Variants in RGS7BP observed in about 807,000 individuals in gnomAD.
RGS7BP encodes regulator of G protein signaling 7-binding protein.
A neutral mutation model predicts 31.3 loss-of-function variants in RGS7BP; 9 were observed. The ratio of observed to expected loss-of-function variants is 0.29; its 90% confidence interval spans 0.17 to 0.50. The LOEUF (loss-of-function observed/expected upper bound fraction) is 0.50, where lower values mean the gene tolerates loss of function less well. Among genes scored for constraint, RGS7BP ranks in the 20% least tolerant of loss-of-function variants. The pLI is 0.98. For missense variants in RGS7BP, 274 were observed against 322.0 expected (o/e 0.85, Z 1.14); for synonymous variants, 115 against 120.1 (o/e 0.96, Z 0.28).
intron 2 of RGS7BP, among the ~76,000 whole-genome samples, chr5:64,551,353 C>G (rs1198649891): frequency 1.3e-5 from 2 of 151,002 alleles, no homozygotes; most frequent in Non-Finnish European, 2.9e-5. Context: ...ACCTCTGCCT[C>G]CCCAATTCAA....
At chr5:64,536,346 G>C (rs1741358675) in intron 2 of RGS7BP, among the ~76,000 whole-genome samples, 1 of 152,166 alleles carries the variant, frequency 6.6e-6, no homozygotes, top group Non-Finnish European at 1.5e-5. Context: ...GAAATCCAAT[G>C]AGCATCAGAT....
chr5:64,590,248 G>C (rs1742876686), intron 3 of RGS7BP, among the ~76,000 whole-genome samples: 1 of 151,996 alleles, frequency 6.6e-6, no homozygotes, highest in South Asian at 2.1e-4. Context: ...GAGAGAGAGA[G>C]AGAGAAGAAA....
chr5:64,593,262 T>C (rs1742968928), intron 3 of RGS7BP, among the ~76,000 whole-genome samples: 1 of 152,216 alleles, frequency 6.6e-6, no homozygotes, highest in South Asian at 2.1e-4. Context: ...TCTCCTTCTG[T>C]TGTTACCACA....
intron 2 of RGS7BP, among the ~76,000 whole-genome samples, chr5:64,517,811 A>T (rs1749013497): frequency 6.6e-6 from 1 of 152,230 alleles, no homozygotes; most frequent in Non-Finnish European, 1.5e-5. Context: ...AATTTTCACA[A>T]GACAGGATGT....
intron 2 of RGS7BP, among the ~76,000 whole-genome samples, chr5:64,528,648 C>T (rs1403487017): frequency 1.8e-4 from 28 of 151,614 alleles, no homozygotes; most frequent in Admixed American, 1.7e-3. Flanking sequence ...CCCGTCTTTA[C>T]TAAAATACAA....
intron 2 of RGS7BP, among the ~76,000 whole-genome samples, chr5:64,555,850 T>C (rs572010863): frequency 3.4e-4 from 52 of 152,282 alleles, no homozygotes; most frequent in African/African-American, 1.1e-3. Context: ...GCTAGAAACA[T>C]TGAAGTTTAA....
intron 2 of RGS7BP, among the ~76,000 whole-genome samples, chr5:64,545,650 T>C (rs769483996): frequency 6.6e-6 from 1 of 152,168 alleles, no homozygotes; most frequent in Non-Finnish European, 1.5e-5. Flanking sequence ...AAATTAAGTA[T>C]AATTCAAATG....
chr5:64,598,574 A>T (rs1037586050), intron 5 of RGS7BP, 139 bp downstream of exon 5: 5 of 689,086 alleles, frequency 7.3e-6, no homozygotes, highest in Non-Finnish European at 1.3e-5. Context: ...CCTCAAGAAG[A>T]TATCAAAATG....
chr5:64,556,862 G>T (rs966177948), intron 2 of RGS7BP, among the ~76,000 whole-genome samples: 3 of 151,864 alleles, frequency 2.0e-5, no homozygotes, highest in Admixed American at 6.6e-5. Flanking sequence ...GTAAAAGAAA[G>T]AATAGAGTGC....
chr5:64,558,437 C>T (rs1311437899), intron 2 of RGS7BP, among the ~76,000 whole-genome samples: 2 of 152,136 alleles, frequency 1.3e-5, no homozygotes, highest in Non-Finnish European at 2.9e-5. Context: ...CTTATCATTT[C>T]CCCAATCAAT....
At chr5:64,532,468 C>T (rs529526879) in intron 2 of RGS7BP, among the ~76,000 whole-genome samples, 27 of 152,166 alleles carry the variant, frequency 1.8e-4, no homozygotes, top group Middle Eastern at 6.8e-3. Context: ...GTGTAAATAC[C>T]GTTTCAAGTG....
At chr5:64,520,147 GT>G (rs1264282314) in intron 2 of RGS7BP, among the ~76,000 whole-genome samples, 1 of 152,220 alleles carries the variant, frequency 6.6e-6, no homozygotes, top group African/African-American at 2.4e-5. Context: ...TGGTCAAGAT[GT>G]TTGGTGGAGC....
intron 2 of RGS7BP, among the ~76,000 whole-genome samples, chr5:64,568,837 GA>G (rs80074040): frequency 0.012 from 1,596 of 137,540 alleles, 28 homozygotes; most frequent in African/African-American, 0.035. Flanking sequence ...CTTTTTAAAT[GA>G]AAAAAAAAAG....
chr5:64,604,757 T>C (rs960011008), intron 5 of RGS7BP, among the ~76,000 whole-genome samples: 5 of 152,128 alleles, frequency 3.3e-5, no homozygotes, highest in African/African-American at 1.2e-4. Flanking sequence ...GTAACTGCAG[T>C]GTAGTAGAAG....
At chr5:64,516,853 C>G (rs1265049166) in intron 2 of RGS7BP, among the ~76,000 whole-genome samples, 2 of 152,100 alleles carry the variant, frequency 1.3e-5, no homozygotes, top group African/African-American at 4.8e-5. Flanking sequence ...AGTTCCATCC[C>G]TAGAGTTTCT....
intron 2 of RGS7BP, among the ~76,000 whole-genome samples, chr5:64,533,753 T>C (rs1749433830): frequency 6.6e-6 from 1 of 152,272 alleles, no homozygotes; most frequent in Non-Finnish European, 1.5e-5. Context: ...AAAACTCCGT[T>C]AGAAGTTTAA....
chr5:64,512,362 G>A (rs1454121897), intron 2 of RGS7BP, among the ~76,000 whole-genome samples: 2 of 152,204 alleles, frequency 1.3e-5, no homozygotes, highest in African/African-American at 4.8e-5. Context: ...TTTGTATGCA[G>A]ATTGATTCAC....
intron 2 of RGS7BP, among the ~76,000 whole-genome samples, chr5:64,537,371 G>A (rs1308220770): frequency 1.3e-5 from 2 of 152,118 alleles, no homozygotes; most frequent in East Asian, 1.9e-4. Context: ...CCTTGTCCGC[G>A]GGTTACAAGC....
intron 2 of RGS7BP, among the ~76,000 whole-genome samples, chr5:64,556,165 G>T (rs1741918216): frequency 6.6e-6 from 1 of 151,652 alleles, no homozygotes. Context: ...TGCTATTTTT[G>T]TGTTTTTATT....
Sources: allele counts gnomAD v4.1 joint callset (sites outside exome capture counted in the v4.1 genomes callset), GRCh38; gene constraint gnomAD v4.1.1; transcripts MANE v1.5; gene names NCBI Gene and HGNC (gene_info 2026-07-23, HGNC 2026-07-21).